Variants in GRID2 observed in about 807,000 individuals in gnomAD.
The protein encoded by GRID2 is glutamate ionotropic receptor delta type subunit 2.
Under a neutral mutation model 114.8 loss-of-function variants are expected in GRID2, and 33 were observed. That is an observed-to-expected ratio of 0.29 (90% CI 0.22 to 0.38). The LOEUF is 0.38. Ranked by LOEUF, GRID2 falls within the 10% of genes least tolerant of loss-of-function variation. The pLI, the probability that GRID2 is intolerant of heterozygous loss-of-function variation, is 1.00. For missense variants in GRID2, 1,184 were observed against 1,257.7 expected (o/e 0.94, Z 0.89); for synonymous variants, 505 against 449.9 (o/e 1.12, Z -1.55).
intron 14 of GRID2, among the ~76,000 whole-genome samples, chr4:93,646,236 A>G (rs1722100381): frequency 6.6e-6 from 1 of 152,196 alleles, no homozygotes. Flanking sequence ...TATAACTGGG[A>G]CAGAGAATAA....
intron 13 of GRID2, among the ~76,000 whole-genome samples, chr4:93,581,755 A>G (rs190519562): frequency 1.1e-3 from 162 of 152,254 alleles, no homozygotes; most frequent in African/African-American, 3.8e-3. Context: ...GGATATCTCT[A>G]TCCTGATGGA....
rs543903482 is a variant in GRID2 at position 92,448,025 on chromosome 4, A to G, written c.89-142106A>G. Among the ~76,000 whole-genome samples the G allele has an allele frequency of 2.8e-4, 43 of 152,344 alleles. No individual in the cohort carries two copies. In the South Asian group the frequency reaches 6.2e-3, roughly 22 times the overall value. On this transcript the variant is annotated intron_variant, in intron 1 of 15. Transcript: ENST00000282020. ...TTGAAAACTAGTCAAATAATAAGGC[A>G]TTTCTAACATAAGACCTCATGATCA...
chr4:92,476,185 C>A (rs994520853), intron 1 of GRID2, among the ~76,000 whole-genome samples: 7 of 151,846 alleles, frequency 4.6e-5, no homozygotes, highest in Non-Finnish European at 8.8e-5. Context: ...GGCACCATGC[C>A]CGGCTAACTT....
chr4:93,441,374 G>A (rs1342477456), intron 10 of GRID2, among the ~76,000 whole-genome samples: 3 of 152,056 alleles, frequency 2.0e-5, no homozygotes, highest in East Asian at 1.9e-4. Flanking sequence ...TCTAGTCTAC[G>A]TTAGTCTGGA....
intron 8 of GRID2, among the ~76,000 whole-genome samples, chr4:93,379,008 C>T (rs11733231): frequency 0.69 from 104,591 of 151,854 alleles, 36,672 homozygotes; most frequent in African/African-American, 0.82. Context: ...TCTAAATTAC[C>T]ATTGGCAAGA....
rs534837028 is a variant in GRID2 at position 92,304,452 on chromosome 4, AAGG to A, written c.-201_-199del. 17 of 602,208 alleles carry A rather than the reference AAGG, an allele frequency of 2.8e-5. No individual in the cohort carries two copies. In the East Asian group the frequency reaches 4.5e-4, roughly 16 times the overall value. 37.3% of individuals were successfully genotyped at this position (602,208 alleles called of 1,614,324 possible). A position where few individuals can be genotyped will look rare whatever the true frequency, so the allele number is the denominator to read the frequency against. On this transcript the variant is annotated 5_prime_UTR_variant, in exon 1 of 16. Coordinates refer to ENST00000282020, the MANE Select transcript of GRID2 (RefSeq NM_001510.4). ...CCCCTCCAAGTGACACGGCTTTGCG[AAGG>A]AGGTTTCCTCAGGCTGGGCTCTTTC...
chr4:92,384,433 AATATATATATATATAT>A (rs372161362), intron 1 of GRID2, among the ~76,000 whole-genome samples: 977 of 30,244 alleles, frequency 0.032, 42 homozygotes, highest in Middle Eastern at 0.15. Flanking sequence ...TGTGTGTAGG[AATATATATATATATAT>A]ATATATATAT....
chr4:93,413,673 C>T (rs1380097399), intron 9 of GRID2, among the ~76,000 whole-genome samples: 1 of 152,120 alleles, frequency 6.6e-6, no homozygotes, highest in Non-Finnish European at 1.5e-5. Context: ...ATAATTCACC[C>T]TCAATGGTTG....
At chr4:93,541,062 C>T (rs548088734) in intron 13 of GRID2, among the ~76,000 whole-genome samples, 30 of 152,144 alleles carry the variant, frequency 2.0e-4, no homozygotes, top group African/African-American at 5.1e-4. Flanking sequence ...TATGACAGCC[C>T]GACAGAATTT....
intron 2 of GRID2, among the ~76,000 whole-genome samples, chr4:92,719,060 C>T (rs1027073620): frequency 3.3e-5 from 5 of 151,936 alleles, no homozygotes; most frequent in East Asian, 1.9e-4. Flanking sequence ...AATCTCAGCT[C>T]ACTTCAACCT....
chr4:92,717,703 CAA>C (rs535317632), intron 2 of GRID2, among the ~76,000 whole-genome samples: 14 of 152,208 alleles, frequency 9.2e-5, no homozygotes, highest in Non-Finnish European at 1.8e-4. Flanking sequence ...GTCATTAAAA[CAA>C]AATGTATTTT....
At position 92,688,037 on chromosome 4, in the gene GRID2, C is replaced by CTTTTTTTTTTTTTTTT. The variant is rs760605020; in HGVS notation, c.244+97765_244+97780dup. ...GCCACATTGGTTGACCCTTCTTCTT[C>CTTTTTTTTTTTTTTTT]TTTTTTTTTTTTTTTTTTTTTTTTT... On this transcript the variant is annotated intron_variant, in intron 2 of 15. Transcript: ENST00000282020. Among the ~76,000 whole-genome samples, 65 of 44,662 alleles carry CTTTTTTTTTTTTTTTT rather than the reference C, an allele frequency of 1.5e-3. 4 individuals carry two copies. The highest frequency in any genetic ancestry group is 0.021 in the Middle Eastern group (1 of 48). 29.3% of individuals were successfully genotyped at this position (44,662 alleles called of 152,430 possible).
At chr4:93,377,697 T>C (rs1251779034) in intron 8 of GRID2, among the ~76,000 whole-genome samples, 1 of 152,174 alleles carries the variant, frequency 6.6e-6, no homozygotes, top group Non-Finnish European at 1.5e-5. Context: ...TAAAATATTA[T>C]AATAACACTT....
At chr4:93,041,062 T>C (rs1217040319) in intron 2 of GRID2, among the ~76,000 whole-genome samples, 1 of 152,110 alleles carries the variant, frequency 6.6e-6, no homozygotes, top group Non-Finnish European at 1.5e-5. Flanking sequence ...CAACAGAATT[T>C]GAAAGCTTGA....
At chr4:93,317,986 A>AATATATAT (rs58755199) in intron 8 of GRID2, among the ~76,000 whole-genome samples, 2,015 of 100,664 alleles carry the variant, frequency 0.02, 82 homozygotes, top group Admixed American at 0.033. Flanking sequence ...TTAAAAGTGA[A>AATATATAT]ATATATATAT....
At chr4:92,364,439 C>T (rs926215620) in intron 1 of GRID2, among the ~76,000 whole-genome samples, 7 of 151,908 alleles carry the variant, frequency 4.6e-5, no homozygotes, top group Admixed American at 2.6e-4. Flanking sequence ...AGATTATTTC[C>T]CTTCAAATTT....
chr4:92,603,332 A>G (rs141136888), intron 2 of GRID2, among the ~76,000 whole-genome samples: 152 of 152,278 alleles, frequency 1.0e-3, no homozygotes, highest in Non-Finnish European at 1.9e-3. Context: ...ACAGCATGGT[A>G]CTGACAGAAA....
chr4:93,395,276 A>G (rs1765222943), intron 8 of GRID2, among the ~76,000 whole-genome samples: 2 of 152,002 alleles, frequency 1.3e-5, no homozygotes. Flanking sequence ...TAAAAAAGAC[A>G]TTATGTTAGA....
intron 1 of GRID2, among the ~76,000 whole-genome samples, chr4:92,544,013 A>G (rs865985414): frequency 6.6e-6 from 1 of 152,150 alleles, no homozygotes; most frequent in African/African-American, 2.4e-5. Context: ...GAGTATTTAT[A>G]TCTTGAAAAT....
Sources: allele counts gnomAD v4.1 joint callset (sites outside exome capture counted in the v4.1 genomes callset), GRCh38; gene constraint gnomAD v4.1.1; transcripts MANE v1.5; gene names NCBI Gene and HGNC (gene_info 2026-07-23, HGNC 2026-07-21).